LRRTM4: variants seen among roughly 807,000 people sequenced by gnomAD.
LRRTM4 encodes the protein leucine-rich repeat transmembrane neuronal protein 4.
LRRTM4 carries 25 observed loss-of-function variants against 47.6 expected under a neutral mutation model. The observed-to-expected ratio is 0.53, with a 90% confidence interval of 0.38 to 0.73. The LOEUF is 0.73. LRRTM4 is among the 30% of genes least tolerant of loss of function. LRRTM4 has a pLI of 0.00. For synonymous variants in LRRTM4, 311 were observed against 269.5 expected, an observed-to-expected ratio of 1.15 and a Z score of -1.51; for missense variants, 638 against 713.4, an observed-to-expected ratio of 0.89 and a Z score of 1.20.
At chr2:77,270,108 A>C (rs1223295929) in intron 3 of LRRTM4, among the ~76,000 whole-genome samples, 1 of 152,246 alleles carries the variant, frequency 6.6e-6, no homozygotes, top group Non-Finnish European at 1.5e-5. Context: ...ATAAGGCAGC[A>C]CTTATACATC....
chr2:77,124,959 G>C (rs746109337), intron 3 of LRRTM4, among the ~76,000 whole-genome samples: 11 of 152,174 alleles, frequency 7.2e-5, no homozygotes, highest in Non-Finnish European at 1.5e-4. Flanking sequence ...TCTGAGCCTA[G>C]TTAAGCAGGA....
chr2:76,991,868 T>C (rs141618689), intron 3 of LRRTM4, among the ~76,000 whole-genome samples: 4 of 151,722 alleles, frequency 2.6e-5, no homozygotes, highest in African/African-American at 2.4e-5. Context: ...CTGATGAACA[T>C]AGATGCAAAA....
chr2:77,175,832 G>A (rs1233924187), intron 3 of LRRTM4, among the ~76,000 whole-genome samples: 1 of 152,028 alleles, frequency 6.6e-6, no homozygotes, highest in Non-Finnish European at 1.5e-5. Flanking sequence ...GGCTAATTTT[G>A]TATATTTAGC....
At chr2:76,774,780 A>G (rs147062845) in intron 3 of LRRTM4, among the ~76,000 whole-genome samples, 1 of 152,288 alleles carries the variant, frequency 6.6e-6, no homozygotes, top group East Asian at 1.9e-4. Flanking sequence ...CTCTAAAAAC[A>G]TTTCTATAGA....
intron 3 of LRRTM4, among the ~76,000 whole-genome samples, chr2:76,881,063 A>C (rs569537135): frequency 6.6e-6 from 1 of 152,300 alleles, no homozygotes; most frequent in East Asian, 1.9e-4. Context: ...ACAGTGATTT[A>C]TCATACAATT....
intron 3 of LRRTM4, among the ~76,000 whole-genome samples, chr2:77,393,450 G>A (rs1301638445): frequency 6.6e-6 from 1 of 151,984 alleles, no homozygotes; most frequent in South Asian, 2.1e-4. Flanking sequence ...AGGTGAGGTT[G>A]AGAAGATCCT....
At chr2:77,500,848 G>C (rs916315398) in intron 3 of LRRTM4, among the ~76,000 whole-genome samples, 1 of 151,414 alleles carries the variant, frequency 6.6e-6, no homozygotes, top group Non-Finnish European at 1.5e-5. Context: ...TAAGAACAAA[G>C]AGGTAGATCT....
intron 3 of LRRTM4, among the ~76,000 whole-genome samples, chr2:76,873,427 A>C: frequency 6.7e-6 from 1 of 149,506 alleles, no homozygotes; most frequent in Admixed American, 6.7e-5. Flanking sequence ...GTGTATATGT[A>C]TACATTATAT....
intron 3 of LRRTM4, among the ~76,000 whole-genome samples, chr2:77,067,711 A>ACG (rs1680005950): frequency 6.6e-6 from 1 of 151,548 alleles, no homozygotes; most frequent in Non-Finnish European, 1.5e-5. Context: ...ACACACACAC[A>ACG]CACACATACA....
At chr2:77,469,764 T>C (rs923847958) in intron 3 of LRRTM4, among the ~76,000 whole-genome samples, 3 of 151,858 alleles carry the variant, frequency 2.0e-5, no homozygotes, top group Non-Finnish European at 2.9e-5. Context: ...AATACATATA[T>C]TGCTATAATT....
At chr2:77,151,874 C>T (rs1480082823) in intron 3 of LRRTM4, among the ~76,000 whole-genome samples, 1 of 151,998 alleles carries the variant, frequency 6.6e-6, no homozygotes, top group Non-Finnish European at 1.5e-5. Flanking sequence ...TTTTCATGTC[C>T]TTTAGTATGT....
chr2:77,471,921 G>A (rs1029903778), intron 3 of LRRTM4, among the ~76,000 whole-genome samples: 1 of 152,102 alleles, frequency 6.6e-6, no homozygotes, highest in Non-Finnish European at 1.5e-5. Flanking sequence ...CCTACTCACT[G>A]AAGTGCACTT....
intron 3 of LRRTM4, among the ~76,000 whole-genome samples, chr2:76,905,457 AG>A (rs1673795656): frequency 1.3e-5 from 2 of 152,330 alleles, no homozygotes; most frequent in South Asian, 4.1e-4. Flanking sequence ...CCTCCTCCAA[AG>A]GATCGCAGTT....
chr2:76,908,324 G>A lies in LRRTM4; in HGVS notation c.1552-159408C>T, dbSNP rs1673923475. On this transcript the variant is annotated intron_variant, in intron 3 of 3. Transcript: ENST00000409884. Reference sequence around the variant, plus strand: ...ATGCTAAAAACTCTCAATAAATTAGGTATTGATGGGCCATATCTCAAAATC... The same window carrying A: ...ATGCTAAAAACTCTCAATAAATTAGATATTGATGGGCCATATCTCAAAATC... Among the ~76,000 whole-genome samples the A allele has an allele frequency of 5.3e-5, 8 of 152,054 alleles. No individual in the cohort carries two copies. The South Asian group carries it at 1.7e-3, about 32-fold the overall frequency.
chr2:76,950,702 G>A (rs925308335), intron 3 of LRRTM4, among the ~76,000 whole-genome samples: 1 of 151,772 alleles, frequency 6.6e-6, no homozygotes, highest in African/African-American at 2.4e-5. Flanking sequence ...CCCTATGAAA[G>A]CATTTTTAAT....
intron 3 of LRRTM4, among the ~76,000 whole-genome samples, chr2:76,800,641 G>A (rs547029803): frequency 7.5e-6 from 1 of 133,486 alleles, no homozygotes; most frequent in Admixed American, 7.9e-5. Context: ...CACAGCAAAA[G>A]AAACTACCAT....
At chr2:77,170,705 G>T (rs1673021896) in intron 3 of LRRTM4, among the ~76,000 whole-genome samples, 1 of 152,104 alleles carries the variant, frequency 6.6e-6, no homozygotes. Context: ...TGGTTTTGGA[G>T]CCAAGCAGGT....
chr2:76,915,275 A>C (rs76071076), intron 3 of LRRTM4, among the ~76,000 whole-genome samples: 3 of 152,120 alleles, frequency 2.0e-5, no homozygotes, highest in Non-Finnish European at 4.4e-5. Context: ...ATCATTCTGG[A>C]AAGTTCATCA....
At chr2:77,108,805 G>T (rs1052281660) in intron 3 of LRRTM4, among the ~76,000 whole-genome samples, 2 of 151,732 alleles carry the variant, frequency 1.3e-5, no homozygotes, top group Non-Finnish European at 2.9e-5. Flanking sequence ...GGATGGTCTC[G>T]ATCTCCTGAC....
Sources: allele counts gnomAD v4.1 joint callset (sites outside exome capture counted in the v4.1 genomes callset), GRCh38; gene constraint gnomAD v4.1.1; transcripts MANE v1.5; gene names NCBI Gene and HGNC (gene_info 2026-07-23, HGNC 2026-07-21).